Variants in KAZN observed in about 807,000 individuals in gnomAD.
KAZN encodes kazrin, periplakin interacting protein, also known as kazrin.
In KAZN, 40 loss-of-function variants were observed where a neutral mutation model predicts 87.4. The ratio of observed to expected loss-of-function variants is 0.46; its 90% CI spans 0.36 to 0.60. The LOEUF is 0.60. Among genes scored for constraint, KAZN ranks in the 20% least tolerant of loss-of-function variants. The pLI is 0.00. For synonymous variants in KAZN, 466 were observed against 458.3 expected (o/e 1.02, Z -0.22); for missense variants, 898 against 1,073.9 (o/e 0.84, Z 2.29).
At chr1:14,203,535 G>T (rs1414602215) in intron 2 of KAZN, among the ~76,000 whole-genome samples, 1 of 152,128 alleles carries the variant, frequency 6.6e-6, no homozygotes, top group Non-Finnish European at 1.5e-5. Flanking sequence ...AGAAATGATG[G>T]TATTTCAATT....
intron 1 of KAZN, among the ~76,000 whole-genome samples, chr1:14,043,508 A>G (rs1391505168): frequency 6.6e-6 from 1 of 152,096 alleles, no homozygotes; most frequent in Non-Finnish European, 1.5e-5. Context: ...TTTTTGAGGA[A>G]CTGTCGTACT....
At chr1:14,833,012 T>C (rs1455675991) in intron 1 of KAZN, among the ~76,000 whole-genome samples, 1 of 152,222 alleles carries the variant, frequency 6.6e-6, no homozygotes, top group South Asian at 2.1e-4. Flanking sequence ...CATCTAAAAT[T>C]TTATTTTAAA....
At chr1:14,325,390 T>G (rs950701788) in intron 2 of KAZN, among the ~76,000 whole-genome samples, 9 of 152,194 alleles carry the variant, frequency 5.9e-5, no homozygotes, top group Admixed American at 1.3e-4. Flanking sequence ...CTTTATTCCA[T>G]GTTTAGACTA....
At chr1:14,861,058 C>T (rs1650785864) in intron 1 of KAZN, among the ~76,000 whole-genome samples, 2 of 152,106 alleles carry the variant, frequency 1.3e-5, no homozygotes, top group Non-Finnish European at 2.9e-5. Context: ...TAGGTGGTGC[C>T]AAGTAATTGC....
At chr1:14,291,468 C>T (rs1653687745) in intron 2 of KAZN, among the ~76,000 whole-genome samples, 2 of 152,206 alleles carry the variant, frequency 1.3e-5, no homozygotes, top group South Asian at 4.1e-4. Context: ...AGCAAGGCTC[C>T]ATAGGCGTGG....
chr1:13,940,352 C>T (rs1640884089), intron 1 of KAZN, among the ~76,000 whole-genome samples: 1 of 151,506 alleles, frequency 6.6e-6, no homozygotes, highest in Non-Finnish European at 1.5e-5. Flanking sequence ...CTGTTTCTTT[C>T]TGGTTCAATC....
At chr1:15,111,295 G>GTTGTTGTTGTTT (rs1359533052) in intron 13 of KAZN, among the ~76,000 whole-genome samples, 11 of 152,036 alleles carry the variant, frequency 7.2e-5, no homozygotes, top group African/African-American at 2.4e-4. Context: ...TGTTGTTGTT[G>GTTGTTGTTGTTT]TTTTAAACAG....
At chr1:13,930,369 C>T (rs1005301) in intron 1 of KAZN, among the ~76,000 whole-genome samples, 19,161 of 152,198 alleles carry the variant, frequency 0.13, 1,276 homozygotes, top group South Asian at 0.21. Flanking sequence ...AGAGGGCAGC[C>T]TACCTGTCGA....
At chr1:14,389,892 C>T (rs536360388) in intron 2 of KAZN, among the ~76,000 whole-genome samples, 6 of 152,238 alleles carry the variant, frequency 3.9e-5, no homozygotes, top group African/African-American at 1.4e-4. Context: ...AGGATAAATG[C>T]TGGAGGTGAT....
At chr1:14,257,714 A>G (rs1365978686) in intron 2 of KAZN, among the ~76,000 whole-genome samples, 2 of 142,282 alleles carry the variant, frequency 1.4e-5, no homozygotes, top group East Asian at 4.2e-4. Flanking sequence ...CCAGCACCAT[A>G]TTCTCACTCA....
intron 1 of KAZN, among the ~76,000 whole-genome samples, chr1:14,798,416 C>CTTTTTTTTTTTTT (rs545959773): frequency 1.1e-5 from 1 of 88,148 alleles, no homozygotes; most frequent in African/African-American, 4.7e-5. Context: ...TGTTTCTTTC[C>CTTTTTTTTTTTTT]TTTTTTTTTT....
intron 2 of KAZN, among the ~76,000 whole-genome samples, chr1:14,349,820 G>C (rs970974679): frequency 2.8e-4 from 43 of 152,098 alleles, no homozygotes; most frequent in African/African-American, 8.5e-4. Context: ...AGTAGGCAGA[G>C]AGGAGCCATT....
intron 1 of KAZN, among the ~76,000 whole-genome samples, chr1:14,948,089 T>C (rs1662044353): frequency 6.6e-6 from 1 of 152,218 alleles, no homozygotes; most frequent in African/African-American, 2.4e-5. Flanking sequence ...GAAGAAAGAA[T>C]AAGGTAGCCT....
At chr1:14,969,015 G>C (rs1348440419) in intron 2 of KAZN, among the ~76,000 whole-genome samples, 1 of 152,208 alleles carries the variant, frequency 6.6e-6, no homozygotes, top group Non-Finnish European at 1.5e-5. Context: ...GGAGTTCTAG[G>C]CTGCAGAGAC....
At chr1:14,883,981 T>C (rs1436220497) in intron 1 of KAZN, among the ~76,000 whole-genome samples, 1 of 152,198 alleles carries the variant, frequency 6.6e-6, no homozygotes, top group Non-Finnish European at 1.5e-5. Context: ...TATCTGTATG[T>C]GTCTTCTTAG....
At chr1:14,853,166 A>G (rs1649662567) in intron 1 of KAZN, among the ~76,000 whole-genome samples, 1 of 152,184 alleles carries the variant, frequency 6.6e-6, no homozygotes, top group South Asian at 2.1e-4. Flanking sequence ...TTCCAGATGA[A>G]GCAGACTAGG....
intron 2 of KAZN, among the ~76,000 whole-genome samples, chr1:14,972,995 T>C (rs1392911777): frequency 4.0e-5 from 6 of 151,884 alleles, no homozygotes; most frequent in Non-Finnish European, 8.8e-5. Context: ...GAGCATGCCA[T>C]ATGCCTTCTC....
chr1:14,142,049 A>G (rs1198931749), intron 1 of KAZN, among the ~76,000 whole-genome samples: 1 of 151,240 alleles, frequency 6.6e-6, no homozygotes, highest in Non-Finnish European at 1.5e-5. Context: ...TCTACTGTAG[A>G]AGCAAGGTTG....
At chr1:15,065,974 T>A (rs967324403) in intron 8 of KAZN, 1 of 1,364,044 alleles carries the variant, frequency 7.3e-7, no homozygotes. Flanking sequence ...AGTGTGAACC[T>A]CTCTCCCCTG....
Sources: allele counts gnomAD v4.1 joint callset (sites outside exome capture counted in the v4.1 genomes callset), GRCh38; gene constraint gnomAD v4.1.1; transcripts MANE v1.5; gene names NCBI Gene and HGNC (gene_info 2026-07-23, HGNC 2026-07-21).